DGKB: variants seen among roughly 807,000 people sequenced by gnomAD.
The protein encoded by DGKB is 90 kDa diacylglycerol kinase.
DGKB carries 67 observed loss-of-function variants against 114.3 expected under a neutral mutation model. The observed-to-expected ratio is 0.59, with a 90% CI of 0.48 to 0.72. The LOEUF (loss-of-function observed/expected upper bound fraction) is 0.72, where lower values mean the gene tolerates loss of function less well. Ranked by LOEUF, DGKB falls within the 30% of genes least tolerant of loss-of-function variation. The pLI is 0.00. For missense variants in DGKB, 907 were observed against 975.2 expected, an observed-to-expected ratio of 0.93 and a Z score of 0.93; for synonymous variants, 398 against 323.1, an observed-to-expected ratio of 1.23 and a Z score of -2.49.
chr7:14,735,936 C>T (rs541526965), intron 5 of DGKB, 105 bp downstream of exon 5: 2 of 733,002 alleles, frequency 2.7e-6, no homozygotes, highest in Non-Finnish European at 4.1e-6. Flanking sequence ...AACCCTGTAA[C>T]AAAACAATTT....
At position 14,574,348 on chromosome 7, in the gene DGKB, T is replaced by C; in HGVS notation, c.1634A>G (p.Lys545Arg). The C allele has an allele frequency of 6.2e-7, 1 of 1,612,534 alleles. No individual in the cohort carries two copies. Among genetic ancestry groups the C allele is most frequent in the Non-Finnish European group, 8.5e-7 (1 of 1,179,424 alleles). Residue 545 changes from lysine to arginine, a missense_variant, in exon 20 of 26, where the codon AAA becomes AGA. Coordinates refer to ENST00000402815, the MANE Select transcript of DGKB (RefSeq NM_001350709.2). ...GCTGTTTTCAATGTCTTTTAGAATTTTCATCAGATTCTCACCTTCGTAACC... is the reference window on the plus strand; with the variant it reads ...GCTGTTTTCAATGTCTTTTAGAATTCTCATCAGATTCTCACCTTCGTAACC... ...GGGYEGENLM[K>R]ILKDIENSTE... is the part of the protein sequence containing the mutation.
At chr7:14,678,096 A>G (rs926507144) in intron 12 of DGKB, among the ~76,000 whole-genome samples, 14 of 152,076 alleles carry the variant, frequency 9.2e-5, no homozygotes, top group Non-Finnish European at 2.1e-4. Context: ...TAAATAGTAC[A>G]TATGTTTGAA....
chr7:14,559,973 C>T (rs1029604875), intron 20 of DGKB, among the ~76,000 whole-genome samples: 3 of 151,096 alleles, frequency 2.0e-5, no homozygotes, highest in African/African-American at 4.9e-5. Context: ...TTCTCCCTCC[C>T]TTCCTTTTTG....
intron 23 of DGKB, among the ~76,000 whole-genome samples, chr7:14,256,071 G>T (rs919290447): frequency 6.6e-6 from 1 of 152,148 alleles, no homozygotes; most frequent in South Asian, 2.1e-4. Flanking sequence ...TCTAAATACT[G>T]GCCAAGTTTT....
chr7:14,627,151 GT>G (rs1808737842), intron 14 of DGKB, among the ~76,000 whole-genome samples: 2 of 152,122 alleles, frequency 1.3e-5, no homozygotes, highest in Non-Finnish European at 2.9e-5. Flanking sequence ...GGTCATAGCA[GT>G]AAAAGGTAAG....
At chr7:14,367,098 G>A (rs1424609333) in intron 21 of DGKB, among the ~76,000 whole-genome samples, 1 of 152,122 alleles carries the variant, frequency 6.6e-6, no homozygotes, top group East Asian at 1.9e-4. Flanking sequence ...ATGCCAGGCA[G>A]TAGCAGTGAA....
Position 14,797,644 on chromosome 7 carries a change from A to AT in DGKB, c.71-39914dup, listed in dbSNP as rs797005369. Among the ~76,000 whole-genome samples the AT allele has an allele frequency of 5.3e-3, 774 of 144,738 alleles. 3 individuals carry two copies. Among genetic ancestry groups the AT allele is most frequent in the African/African-American group, 0.012 (476 of 39,750 alleles). The allele number at this position is 144,738 out of a possible 152,430, so 95.0% of individuals were successfully genotyped here. ...TGAAAGGAATATTTACCATCTATTT[A>AT]TTTTTTTTTTTTCCTGAGGGCTGCC... On this transcript the variant is annotated intron_variant, in intron 2 of 25. Coordinates refer to ENST00000402815, the MANE Select transcript of DGKB (RefSeq NM_001350709.2).
At chr7:14,225,942 T>C (rs992174490) in intron 23 of DGKB, among the ~76,000 whole-genome samples, 2 of 152,012 alleles carry the variant, frequency 1.3e-5, no homozygotes, top group African/African-American at 4.8e-5. Context: ...AAAATATTAC[T>C]GTCCTCTATG....
At chr7:14,589,683 T>G (rs1356024323) in intron 17 of DGKB, among the ~76,000 whole-genome samples, 1 of 152,016 alleles carries the variant, frequency 6.6e-6, no homozygotes, top group Non-Finnish European at 1.5e-5. Context: ...TCGGTTAGTG[T>G]GAGAATAAAC....
chr7:14,508,120 A>G (rs1258597858), intron 20 of DGKB, among the ~76,000 whole-genome samples: 1 of 152,176 alleles, frequency 6.6e-6, no homozygotes, highest in Non-Finnish European at 1.5e-5. Flanking sequence ...TTAGTTATGA[A>G]TAAAGGAGAA....
At chr7:14,586,399 T>C (rs1466537988) in intron 17 of DGKB, among the ~76,000 whole-genome samples, 3 of 152,106 alleles carry the variant, frequency 2.0e-5, no homozygotes, top group Middle Eastern at 3.4e-3. Context: ...GAAAAATAGT[T>C]TGATGCAAGC....
intron 6 of DGKB, among the ~76,000 whole-genome samples, chr7:14,703,682 G>C (rs1204058856): frequency 6.6e-6 from 1 of 152,156 alleles, no homozygotes; most frequent in Non-Finnish European, 1.5e-5. Context: ...TTCTGGATGA[G>C]TCAGGGGTGT....
At chr7:14,479,350 C>A (rs1050513794) in intron 20 of DGKB, among the ~76,000 whole-genome samples, 1 of 152,110 alleles carries the variant, frequency 6.6e-6, no homozygotes, top group Non-Finnish European at 1.5e-5. Flanking sequence ...GACCAATGCC[C>A]ACTGCAGATG....
At chr7:14,197,702 G>C (rs964778187) in intron 23 of DGKB, among the ~76,000 whole-genome samples, 2 of 151,928 alleles carry the variant, frequency 1.3e-5, no homozygotes, top group Non-Finnish European at 2.9e-5. Flanking sequence ...TTTTCTTTTA[G>C]GTAAAAATGC....
chr7:14,371,818 C>T (rs891148486), intron 21 of DGKB, among the ~76,000 whole-genome samples: 1 of 152,214 alleles, frequency 6.6e-6, no homozygotes, highest in East Asian at 1.9e-4. Flanking sequence ...CATTACTTAG[C>T]AATGAGGGAG....
intron 21 of DGKB, among the ~76,000 whole-genome samples, chr7:14,375,720 G>C (rs142706574): frequency 6.8e-4 from 104 of 152,158 alleles, no homozygotes; most frequent in Non-Finnish European, 1.3e-3. Flanking sequence ...TGCTTTCTTC[G>C]ATAGCACTTC....
intron 23 of DGKB, among the ~76,000 whole-genome samples, chr7:14,258,232 G>A (rs936385781): frequency 1.3e-5 from 2 of 152,170 alleles, no homozygotes; most frequent in Admixed American, 6.5e-5. Flanking sequence ...TTCAAGTATG[G>A]TTGAATTTAA....
At chr7:14,680,364 T>C in intron 12 of DGKB, among the ~76,000 whole-genome samples, 1 of 152,022 alleles carries the variant, frequency 6.6e-6, no homozygotes, top group South Asian at 2.1e-4. Flanking sequence ...TATATTGTCT[T>C]ATCTGATTTG....
At chr7:14,427,822 G>C (rs570135821) in intron 21 of DGKB, among the ~76,000 whole-genome samples, 2 of 152,088 alleles carry the variant, frequency 1.3e-5, no homozygotes, top group Non-Finnish European at 2.9e-5. Flanking sequence ...CCCACAACAT[G>C]TGGGAATTCA....
Sources: gnomAD v4.1 joint callset for allele counts (sites outside exome capture counted in the v4.1 genomes callset) on GRCh38, gnomAD v4.1.1 for gene constraint, MANE v1.5 for transcripts, NCBI Gene and HGNC (gene_info 2026-07-23, HGNC 2026-07-21) for gene names.